CLVS1: variants seen among roughly 807,000 people sequenced by gnomAD.
CLVS1 encodes clavesin-1.
In CLVS1, 10 loss-of-function variants were observed where a neutral mutation model predicts 33.1. That is an observed-to-expected ratio of 0.30 (90% confidence interval 0.19 to 0.51). The LOEUF (loss-of-function observed/expected upper bound fraction) is 0.51. Among genes scored for constraint, CLVS1 ranks in the 20% least tolerant of loss-of-function variants. The pLI is 0.97. For synonymous variants in CLVS1, 163 were observed against 166.1 expected, an observed-to-expected ratio of 0.98 and a Z score of 0.14; for missense variants, 343 against 433.4, an observed-to-expected ratio of 0.79 and a Z score of 1.85.
At chr8:61,423,273 T>C (rs1323279516) in intron 3 of CLVS1, among the ~76,000 whole-genome samples, 1 of 152,162 alleles carries the variant, frequency 6.6e-6, no homozygotes, top group Non-Finnish European at 1.5e-5. Flanking sequence ...CATATGAAGT[T>C]CCCACTGCTT....
intron 3 of CLVS1, among the ~76,000 whole-genome samples, chr8:61,402,115 A>T (rs1814792571): frequency 1.3e-5 from 2 of 152,184 alleles, no homozygotes; most frequent in Admixed American, 6.5e-5. Context: ...GATTTATGCC[A>T]TGTTTTAATT....
intron 2 of CLVS1, among the ~76,000 whole-genome samples, chr8:61,144,058 C>CATAT (rs35432459): frequency 6.6e-6 from 1 of 150,618 alleles, no homozygotes; most frequent in Admixed American, 6.6e-5. Context: ...TATATATATA[C>CATAT]ATATATATAT....
intron 2 of CLVS1, among the ~76,000 whole-genome samples, chr8:61,171,693 G>A (rs1807003969): frequency 6.6e-6 from 1 of 151,992 alleles, no homozygotes; most frequent in Non-Finnish European, 1.5e-5. Context: ...GTGCACAAGG[G>A]GATAAAAGCC....
At chr8:61,404,976 G>C (rs1275139368) in intron 3 of CLVS1, among the ~76,000 whole-genome samples, 2 of 152,194 alleles carry the variant, frequency 1.3e-5, no homozygotes, top group Admixed American at 6.5e-5. Flanking sequence ...CACTGACTGA[G>C]AGCTGGCCAC....
chr8:61,083,665 G>A (rs1015374439), intron 1 of CLVS1, among the ~76,000 whole-genome samples: 1 of 152,082 alleles, frequency 6.6e-6, no homozygotes, highest in African/African-American at 2.4e-5. Flanking sequence ...GTAAATTAAA[G>A]GAGAAAATGG....
At chr8:61,155,888 T>A (rs984380795) in intron 2 of CLVS1, among the ~76,000 whole-genome samples, 2 of 152,136 alleles carry the variant, frequency 1.3e-5, no homozygotes, top group African/African-American at 4.8e-5. Flanking sequence ...TGAGAGCTCC[T>A]CCCTGAGGGA....
chr8:61,418,707 C>T (rs1345599238), intron 3 of CLVS1, among the ~76,000 whole-genome samples: 1 of 152,100 alleles, frequency 6.6e-6, no homozygotes, highest in East Asian at 1.9e-4. Flanking sequence ...ATTGTAGTCA[C>T]CACTCTTTGA....
chr8:61,073,162 G>C (rs1426128750), intron 1 of CLVS1, among the ~76,000 whole-genome samples: 2 of 151,992 alleles, frequency 1.3e-5, no homozygotes, highest in East Asian at 3.8e-4. Flanking sequence ...GTCAAGTTTA[G>C]GAAGAATCAG....
At chr8:61,216,932 G>A (rs1275369341) in intron 2 of CLVS1, among the ~76,000 whole-genome samples, 1 of 152,168 alleles carries the variant, frequency 6.6e-6, no homozygotes, top group Non-Finnish European at 1.5e-5. Context: ...TCTGAAGGGT[G>A]AAACAAATGC....
At chr8:61,456,092 G>A (rs760575847) in intron 4 of CLVS1, among the ~76,000 whole-genome samples, 1 of 152,184 alleles carries the variant, frequency 6.6e-6, no homozygotes, top group Admixed American at 6.5e-5. Flanking sequence ...AGGTTGGAGC[G>A]AGAGAGAATT....
intron 1 of CLVS1, among the ~76,000 whole-genome samples, chr8:61,086,540 C>A (rs560292885): frequency 1.8e-4 from 28 of 151,928 alleles, no homozygotes; most frequent in Non-Finnish European, 3.5e-4. Context: ...TAACTCTACC[C>A]TAGACCATAC....
At chr8:61,162,754 T>C (rs1806776832) in intron 2 of CLVS1, among the ~76,000 whole-genome samples, 3 of 152,206 alleles carry the variant, frequency 2.0e-5, no homozygotes, top group African/African-American at 4.8e-5. Context: ...AAGAAAACTA[T>C]TGGGTACAAC....
chr8:60,993,744 C>A, the CLVS1 span, among the ~76,000 whole-genome samples: 1 of 152,354 alleles, frequency 6.6e-6, no homozygotes, highest in African/African-American at 2.4e-5. Flanking sequence ...CCCCATCAAC[C>A]ATTTCTCTAG....
At chr8:61,137,582 C>T (rs758114733) in intron 2 of CLVS1, among the ~76,000 whole-genome samples, 6 of 152,188 alleles carry the variant, frequency 3.9e-5, no homozygotes, top group Middle Eastern at 3.2e-3. Flanking sequence ...TCCTCAAGTG[C>T]CGAGCGTCTT....
intron 2 of CLVS1, among the ~76,000 whole-genome samples, chr8:61,258,707 T>C (rs1486415657): frequency 6.6e-6 from 1 of 152,196 alleles, no homozygotes; most frequent in Non-Finnish European, 1.5e-5. Context: ...GAATTCAAAA[T>C]CGCCACTAAG....
rs1563583429 is a variant in CLVS1, at chr8:61,499,575, GC to G, written c.*35del. ...GTCACCCCAATGCTCCTGCACACTG[GC>G]CTTCAGTGGTATCAGCCACCCAGGA... On this transcript the variant is annotated 3_prime_UTR_variant, in exon 6 of 6. Transcript: ENST00000325897. 1.3e-6 allele frequency: 2 copies of G among 1,540,966 alleles called. No homozygotes were observed. The highest frequency in any genetic ancestry group is 1.8e-6 in the Non-Finnish European group (2 of 1,113,968).
At chr8:61,462,393 TG>T (rs1339266916) in intron 5 of CLVS1, among the ~76,000 whole-genome samples, 1 of 152,226 alleles carries the variant, frequency 6.6e-6, no homozygotes, top group African/African-American at 2.4e-5. Context: ...TGTTTTGTTT[TG>T]TTTTTTTGAG....
chr8:61,019,324 C>T, the CLVS1 span, among the ~76,000 whole-genome samples: 6 of 152,210 alleles, frequency 3.9e-5, no homozygotes, highest in African/African-American at 1.2e-4. Context: ...GAGGCACGCA[C>T]ACCTTTGGTA....
chr8:61,276,139 T>C (rs1431429503), intron 2 of CLVS1, among the ~76,000 whole-genome samples: 1 of 152,204 alleles, frequency 6.6e-6, no homozygotes, highest in African/African-American at 2.4e-5. Context: ...GATTAAGCCA[T>C]TAGCAATCAG....
Sources: allele counts gnomAD v4.1 joint callset (sites outside exome capture counted in the v4.1 genomes callset), GRCh38; gene constraint gnomAD v4.1.1; transcripts MANE v1.5; gene names NCBI Gene and HGNC (gene_info 2026-07-23, HGNC 2026-07-21).